Variants in CSMD2 observed in about 807,000 individuals in gnomAD.
CSMD2 encodes the protein CUB and Sushi multiple domains 2.
CSMD2 carries 130 observed loss-of-function variants against 398.5 expected under a neutral mutation model. The observed-to-expected ratio is 0.33, with a 90% CI of 0.28 to 0.38. The LOEUF is 0.38. Among genes scored for constraint, CSMD2 ranks in the 10% least tolerant of loss-of-function variants. The pLI, the probability that CSMD2 is intolerant of heterozygous loss-of-function variation, is 1.00. For synonymous variants in CSMD2, 1,828 were observed against 1,908.5 expected (o/e 0.96, Z 1.10); for missense variants, 3,829 against 4,764.9 (o/e 0.80, Z 5.78).
At chr1:33,994,102 A>T (rs967921990) in intron 3 of CSMD2, among the ~76,000 whole-genome samples, 7 of 152,206 alleles carry the variant, frequency 4.6e-5, no homozygotes, top group Non-Finnish European at 1.0e-4. Flanking sequence ...GCAATATAAC[A>T]GTGAGGATAC....
At chr1:33,592,603 A>G (rs1639538049) in intron 44 of CSMD2, 2 of 681,798 alleles carry the variant, frequency 2.9e-6, no homozygotes, top group African/African-American at 3.5e-5. Context: ...CAAACTACCT[A>G]TCACTAAGTG....
intron 52 of CSMD2, among the ~76,000 whole-genome samples, chr1:33,568,743 T>C (rs185437876): frequency 2.2e-4 from 33 of 152,270 alleles, no homozygotes; most frequent in African/African-American, 7.5e-4. Flanking sequence ...GTGTCCTTAA[T>C]GGGCCTGAGA....
chr1:33,523,000 T>G (rs987978505), intron 67 of CSMD2, among the ~76,000 whole-genome samples: 1 of 152,216 alleles, frequency 6.6e-6, no homozygotes, highest in African/African-American at 2.4e-5. Context: ...CATTAATACC[T>G]TCAACTAGCC....
intron 2 of CSMD2, among the ~76,000 whole-genome samples, chr1:34,042,946 T>A (rs1652030662): frequency 5.5e-5 from 1 of 18,326 alleles, no homozygotes; most frequent in Non-Finnish European, 1.6e-4. Context: ...CCACCATGCC[T>A]GGCTAATTTT....
chr1:33,587,041 T>G (rs1191970778), intron 45 of CSMD2, 47 bp downstream of exon 45: 1 of 1,466,986 alleles, frequency 6.8e-7, no homozygotes, highest in East Asian at 2.4e-5. Flanking sequence ...CTTCCCTTCC[T>G]TCCCCAGTCC....
chr1:34,155,714 C>A (rs556633085), intron 1 of CSMD2, among the ~76,000 whole-genome samples: 41 of 152,322 alleles, frequency 2.7e-4, no homozygotes, highest in African/African-American at 9.9e-4. Context: ...AGCTCCCCAT[C>A]CCTGGAAAGC....
At chr1:33,752,525 C>T (rs767119565) in intron 13 of CSMD2, among the ~76,000 whole-genome samples, 1 of 152,218 alleles carries the variant, frequency 6.6e-6, no homozygotes, top group Non-Finnish European at 1.5e-5. Flanking sequence ...CCAAATCAAA[C>T]CTCTTTTCTT....
intron 3 of CSMD2, among the ~76,000 whole-genome samples, chr1:34,002,593 C>G (rs137939294): frequency 6.6e-6 from 1 of 152,220 alleles, no homozygotes; most frequent in East Asian, 1.9e-4. Context: ...AGGGTGGCCA[C>G]AAAGTCTCGT....
In CSMD2 at chr1:34,108,472, G is replaced by A. The variant is rs116130894; in HGVS notation, c.188-19279C>T. Among the ~76,000 whole-genome samples the A allele has an allele frequency of 5.9e-3, 904 of 152,322 alleles. 14 individuals carry two copies. The highest frequency in any genetic ancestry group is 0.021 in the African/African-American group (861 of 41,574). The stretch of plus-strand genomic sequence containing the variant: ...AGATGCTCTGATGCAGCTAGCCCAA[G>A]TGAGTTGTTGGTGCCTGACTGGAGC... On this transcript the variant is annotated intron_variant, in intron 1 of 70. Transcript: ENST00000373381.
At chr1:33,850,670 G>C (rs1324839643) in intron 5 of CSMD2, among the ~76,000 whole-genome samples, 2 of 152,096 alleles carry the variant, frequency 1.3e-5, no homozygotes, top group Non-Finnish European at 2.9e-5. Flanking sequence ...CTTCACTACG[G>C]GGGGCTTGGG....
chr1:33,941,336 T>C (rs1049242783), intron 3 of CSMD2, among the ~76,000 whole-genome samples: 2 of 152,244 alleles, frequency 1.3e-5, no homozygotes, highest in African/African-American at 4.8e-5. Context: ...CTTATTATAA[T>C]GAAGAGTCAT....
chr1:33,702,529 T>C (rs1174214860), intron 22 of CSMD2, among the ~76,000 whole-genome samples: 1 of 152,202 alleles, frequency 6.6e-6, no homozygotes, highest in Non-Finnish European at 1.5e-5. Context: ...TAAGTGTCCT[T>C]CTAGCCTTTA....
intron 13 of CSMD2, among the ~76,000 whole-genome samples, chr1:33,751,843 T>C (rs1648296933): frequency 6.6e-6 from 1 of 152,042 alleles, no homozygotes; most frequent in Non-Finnish European, 1.5e-5. Flanking sequence ...GCCAGGATGG[T>C]CTTGATCTTT....
chr1:33,959,450 C>T (rs914447655), intron 3 of CSMD2, among the ~76,000 whole-genome samples: 17 of 152,296 alleles, frequency 1.1e-4, no homozygotes, highest in African/African-American at 2.6e-4. Flanking sequence ...GGTGGGCCTG[C>T]GTGTTCTCGC....
At position 33,849,076 on chromosome 1, in the gene CSMD2, A is replaced by G. The variant is rs1240066777; in HGVS notation, c.921-2080T>C. Among the ~76,000 whole-genome samples, 3 of 152,016 alleles carry G rather than the reference A, an allele frequency of 2.0e-5. No homozygotes were observed. The East Asian group carries it at 5.8e-4, about 29-fold the overall frequency. ...CCCTAAGGGGCATCTCCCACCTCCCATTTCTCCCACACATTTACCCACTCC... is the reference window on the plus strand; with the variant it reads ...CCCTAAGGGGCATCTCCCACCTCCCGTTTCTCCCACACATTTACCCACTCC... On this transcript the variant is annotated intron_variant, in intron 5 of 70. Transcript: ENST00000373381.
chr1:33,826,311 A>C (rs2358510), intron 6 of CSMD2, among the ~76,000 whole-genome samples: 99,138 of 151,832 alleles, frequency 0.65, 33,676 homozygotes, highest in African/African-American at 0.86. Flanking sequence ...ACATTCCCCC[A>C]CTCCTTGACT....
chr1:33,910,498 T>C (rs193235683), intron 5 of CSMD2, among the ~76,000 whole-genome samples: 41 of 152,328 alleles, frequency 2.7e-4, no homozygotes, highest in African/African-American at 9.9e-4. Flanking sequence ...TTAGTTTTTG[T>C]CTTGCCAGGG....
At chr1:33,778,034 A>G (rs524787) in intron 12 of CSMD2, among the ~76,000 whole-genome samples, 110,413 of 152,030 alleles carry the variant, frequency 0.73, 40,997 homozygotes, top group African/African-American at 0.88. Context: ...CTAACTCATT[A>G]TTCCCCTGGC....
chr1:33,765,035 G>A (rs1442890304), intron 13 of CSMD2, among the ~76,000 whole-genome samples: 2 of 152,330 alleles, frequency 1.3e-5, no homozygotes, highest in Non-Finnish European at 2.9e-5. Flanking sequence ...TGACCTATAT[G>A]AAGAAAACCA....
Sources: allele counts gnomAD v4.1 joint callset (sites outside exome capture counted in the v4.1 genomes callset), GRCh38; gene constraint gnomAD v4.1.1; transcripts MANE v1.5; gene names NCBI Gene and HGNC (gene_info 2026-07-23, HGNC 2026-07-21).